RPS6KC1: variants seen among roughly 807,000 people sequenced by gnomAD.
RPS6KC1 encodes the protein inactive ribosomal protein S6 kinase delta-1.
A neutral mutation model predicts 103.8 loss-of-function variants in RPS6KC1; 54 were observed. The ratio of observed to expected loss-of-function variants is 0.52; its 90% CI spans 0.42 to 0.65. The LOEUF is 0.65. Ranked by LOEUF, RPS6KC1 falls within the 30% of genes least tolerant of loss-of-function variation. The pLI is 0.00. For missense variants in RPS6KC1, 1,151 were observed against 1,253.8 expected (o/e 0.92, Z 1.24); for synonymous variants, 439 against 438.7 (o/e 1.00, Z -0.01).
chr1:213,176,550 C>A, intron 8 of RPS6KC1, 58 bp downstream of exon 8: 1 of 1,160,722 alleles, frequency 8.6e-7, no homozygotes, highest in Non-Finnish European at 1.3e-6. Context: ...TGCTGACATT[C>A]TGTCTTTGAA....
At chr1:213,671,153 G>C in the RPS6KC1 span, among the ~76,000 whole-genome samples, 1 of 152,074 alleles carries the variant, frequency 6.6e-6, no homozygotes, top group Non-Finnish European at 1.5e-5. Context: ...GGACACCTAG[G>C]TTATTGTAGT....
At chr1:213,132,266 G>T (rs2085726501) in intron 6 of RPS6KC1, among the ~76,000 whole-genome samples, 1 of 152,130 alleles carries the variant, frequency 6.6e-6, no homozygotes, top group Non-Finnish European at 1.5e-5. Flanking sequence ...TCCTGCTCTG[G>T]ATTGGTTTCT....
the RPS6KC1 span, among the ~76,000 whole-genome samples, chr1:213,744,123 T>TG: frequency 7.6e-3 from 1,160 of 152,024 alleles, 18 homozygotes; most frequent in African/African-American, 0.027. Context: ...TTTGGGGACT[T>TG]GGGGGGAAAG....
chr1:213,342,365 G>T, the RPS6KC1 span, among the ~76,000 whole-genome samples: 2 of 152,160 alleles, frequency 1.3e-5, no homozygotes, highest in Admixed American at 1.3e-4. Flanking sequence ...ATTTATATAT[G>T]AATTGCTTTT....
chr1:213,454,658 A>G, the RPS6KC1 span, among the ~76,000 whole-genome samples: 11 of 152,312 alleles, frequency 7.2e-5, no homozygotes, highest in Admixed American at 5.9e-4. Context: ...GAAAGAAGCA[A>G]CTTATAGGGA....
At chr1:213,367,309 C>G in the RPS6KC1 span, among the ~76,000 whole-genome samples, 14,132 of 152,270 alleles carry the variant, frequency 0.093, 903 homozygotes, top group Non-Finnish European at 0.14. Flanking sequence ...AAGTCCTTTT[C>G]TTGCATACTG....
chr1:213,728,965 T>TTTTTTTA, the RPS6KC1 span, among the ~76,000 whole-genome samples: 1 of 141,042 alleles, frequency 7.1e-6, no homozygotes, highest in African/African-American at 2.7e-5. Context: ...TTTTTTTTTT[T>TTTTTTTA]ACCAGTGGAC....
chr1:213,282,893 A>G, the RPS6KC1 span, among the ~76,000 whole-genome samples: 1 of 152,214 alleles, frequency 6.6e-6, no homozygotes, highest in South Asian at 2.1e-4. Flanking sequence ...TGATTTCTAT[A>G]CAACCTGTAC....
At chr1:213,375,290 TACATACAC>T in the RPS6KC1 span, among the ~76,000 whole-genome samples, 22 of 151,418 alleles carry the variant, frequency 1.5e-4, no homozygotes, top group African/African-American at 5.1e-4. Context: ...TATACACACA[TACATACAC>T]ACATACACAC....
chr1:213,833,740 C>T, the RPS6KC1 span, among the ~76,000 whole-genome samples: 9 of 152,194 alleles, frequency 5.9e-5, no homozygotes, highest in Admixed American at 3.3e-4. Context: ...TGTCACCTGA[C>T]GTGTGAGAGA....
the RPS6KC1 span, among the ~76,000 whole-genome samples, chr1:213,623,160 T>C: frequency 2.0e-5 from 3 of 152,290 alleles, no homozygotes; most frequent in Admixed American, 1.3e-4. Flanking sequence ...GGCATGACTG[T>C]TGTAGGGTTT....
chr1:213,694,089 CT>C, the RPS6KC1 span, among the ~76,000 whole-genome samples: 2 of 152,226 alleles, frequency 1.3e-5, no homozygotes, highest in African/African-American at 4.8e-5. Flanking sequence ...CTTTGTCTAA[CT>C]GAGAATGCTT....
At chr1:213,611,180 G>A in the RPS6KC1 span, among the ~76,000 whole-genome samples, 4 of 152,234 alleles carry the variant, frequency 2.6e-5, no homozygotes, top group Admixed American at 1.3e-4. Flanking sequence ...TTTCTTTTAT[G>A]TGGAGGGAAC....
chr1:213,334,639 A>C, the RPS6KC1 span, among the ~76,000 whole-genome samples: 1 of 152,208 alleles, frequency 6.6e-6, no homozygotes, highest in East Asian at 1.9e-4. Flanking sequence ...TCCTGTGAAC[A>C]CATTGCAAGG....
chr1:213,553,172 C>G, the RPS6KC1 span, among the ~76,000 whole-genome samples: 3 of 152,134 alleles, frequency 2.0e-5, no homozygotes, highest in African/African-American at 4.8e-5. Flanking sequence ...ATCCTCTCCC[C>G]TTAAGTAGGC....
At position 213,194,706 on chromosome 1, in the gene RPS6KC1, C is replaced by T. The variant is rs114486994; in HGVS notation, c.1044+18214C>T. On this transcript the variant is annotated intron_variant, in intron 8 of 14. Coordinates refer to ENST00000366960, the MANE Select transcript of RPS6KC1 (RefSeq NM_012424.6). ...CAAACCCTATTGTGAACTGTGAATG[C>T]GAGGGTTCTAGGTTGCGTGCTGCTT... Among the ~76,000 whole-genome samples, 596 of 152,276 alleles carry T rather than the reference C, an allele frequency of 3.9e-3. 4 individuals carry two copies. The highest frequency in any genetic ancestry group is 0.012 in the African/African-American group (478 of 41,546).
intron 1 of RPS6KC1, among the ~76,000 whole-genome samples, chr1:213,051,879 A>G (rs1370059007): frequency 1.3e-5 from 2 of 152,076 alleles, no homozygotes; most frequent in African/African-American, 4.8e-5. Context: ...GTGTTAATTT[A>G]TGTATTGTTT....
intron 5 of RPS6KC1, among the ~76,000 whole-genome samples, chr1:213,122,008 C>T (rs2084444226): frequency 6.6e-6 from 1 of 152,106 alleles, no homozygotes; most frequent in Admixed American, 6.6e-5. Flanking sequence ...ATCTATTAAA[C>T]TGTCTTGAAT....
intron 6 of RPS6KC1, among the ~76,000 whole-genome samples, chr1:213,143,260 G>C (rs2087295791): frequency 6.6e-6 from 1 of 151,938 alleles, no homozygotes. Flanking sequence ...TCACATAAAA[G>C]GTGAAATTTA....
Sources: allele counts gnomAD v4.1 joint callset (sites outside exome capture counted in the v4.1 genomes callset), GRCh38; gene constraint gnomAD v4.1.1; transcripts MANE v1.5; gene names NCBI Gene and HGNC (gene_info 2026-07-23, HGNC 2026-07-21).